HDX: variants seen among roughly 807,000 people sequenced by gnomAD.
HDX encodes the protein chromosome X open reading frame 43.
Under a neutral mutation model 45.2 loss-of-function variants are expected in HDX, and 19 were observed. That is an observed-to-expected ratio of 0.42 (90% CI 0.29 to 0.62). The LOEUF is 0.62. Among genes scored for constraint, HDX ranks in the 20% least tolerant of loss-of-function variants. The pLI is 0.20. For missense variants in HDX, 532 were observed against 493.9 expected, an observed-to-expected ratio of 1.08 and a Z score of -0.73; for synonymous variants, 188 against 172.8, an observed-to-expected ratio of 1.09 and a Z score of -0.69.
At chrX:84,440,367 C>A in intron 5 of HDX, 165 bp downstream of exon 5, 1 of 422,759 alleles carries the variant, frequency 2.4e-6, no homozygotes, top group South Asian at 3.7e-5. Context: ...ATTACATTTG[C>A]AGTATATGTA....
chrX:84,461,225 G>C (rs2040230339), intron 4 of HDX, among the ~76,000 whole-genome samples: 1 of 111,521 alleles, frequency 9.0e-6, no homozygotes, highest in South Asian at 3.7e-4. Flanking sequence ...GCTATCCAGA[G>C]CAAAAAGATC....
intron 5 of HDX, among the ~76,000 whole-genome samples, chrX:84,437,156 T>A (rs1006003827): frequency 9.0e-6 from 1 of 111,375 alleles, no homozygotes; most frequent in East Asian, 2.8e-4. Flanking sequence ...CAAGTATGAG[T>A]AACTGTATCT....
At chrX:84,487,363 T>A (rs757200296) in intron 2 of HDX, among the ~76,000 whole-genome samples, 7 of 112,277 alleles carry the variant, frequency 6.2e-5, no homozygotes, top group Non-Finnish European at 1.1e-4. Flanking sequence ...AAATTCTATT[T>A]TGGTTCTTTT....
intron 5 of HDX, among the ~76,000 whole-genome samples, chrX:84,434,195 G>A (rs1480732548): frequency 1.8e-5 from 2 of 109,176 alleles, no homozygotes; most frequent in Non-Finnish European, 3.8e-5. Context: ...CCTAATCACC[G>A]TGGCCAAGAC....
At chrX:84,475,065 A>C (rs2040521045) in intron 3 of HDX, among the ~76,000 whole-genome samples, 186 bp downstream of exon 3, 2 of 112,167 alleles carry the variant, frequency 1.8e-5, no homozygotes, top group African/African-American at 6.5e-5. Flanking sequence ...TGTTCAAGGT[A>C]TTTATAGAAA....
At position 84,475,356 on chromosome X, in the gene HDX, A is replaced by T; in HGVS notation, c.42T>A (p.Ile14=). Residue 14 remains isoleucine, a synonymous_variant, in exon 3 of 11, where the codon ATT becomes ATA. Transcript: ENST00000373177. ...TTCCATTTTCATAATAACGCTGTAA[A>T]ATCCTTTGTTGTTCTACAGTAAATA... The part of the protein sequence containing the change: ...RSVFTVEQQR[I]LQRYYENGMT... 8.6e-7 allele frequency: 1 copy of T among 1,160,735 alleles called. No homozygotes were observed. Among genetic ancestry groups the T allele is most frequent in the Non-Finnish European group, 1.2e-6 (1 of 855,297 alleles).
intron 6 of HDX, among the ~76,000 whole-genome samples, chrX:84,353,711 A>C (rs1291205992): frequency 9.0e-6 from 1 of 111,491 alleles, no homozygotes; most frequent in African/African-American, 3.3e-5. Context: ...AGAGATTAGA[A>C]TTTGAGTATA....
intron 4 of HDX, among the ~76,000 whole-genome samples, chrX:84,449,900 T>A (rs912870107): frequency 5.5e-5 from 6 of 109,474 alleles, no homozygotes; most frequent in Non-Finnish European, 1.1e-4. Context: ...AGGTGGGAAT[T>A]GAACAATGAG....
intron 4 of HDX, among the ~76,000 whole-genome samples, chrX:84,462,115 C>T (rs138778419): frequency 0.013 from 1,490 of 111,582 alleles, 36 homozygotes; most frequent in African/African-American, 0.047. Context: ...TTGGAGGTTC[C>T]TCAGCAAACT....
At chrX:84,401,024 C>A (rs937094781) in intron 5 of HDX, among the ~76,000 whole-genome samples, 1 of 111,857 alleles carries the variant, frequency 8.9e-6, no homozygotes, top group African/African-American at 3.2e-5. Flanking sequence ...AACTGGATCC[C>A]TTCCTTACAC....
intron 5 of HDX, among the ~76,000 whole-genome samples, chrX:84,406,192 A>G (rs2038815612): frequency 9.0e-6 from 1 of 111,124 alleles, no homozygotes; most frequent in African/African-American, 3.3e-5. Flanking sequence ...AACAACAAAT[A>G]TAACTATATC....
chrX:84,374,903 T>C (rs2038006597), intron 5 of HDX, among the ~76,000 whole-genome samples: 1 of 100,369 alleles, frequency 1.0e-5, no homozygotes, highest in Non-Finnish European at 2.0e-5. Context: ...TGGGATCTAA[T>C]TAAACTAAAG....
At chrX:84,391,269 A>C (rs2038435090) in intron 5 of HDX, among the ~76,000 whole-genome samples, 1 of 111,617 alleles carries the variant, frequency 9.0e-6, no homozygotes, top group Non-Finnish European at 1.9e-5. Context: ...CGTTGCTGCA[A>C]ATGAAATGAT....
rs1480929296 is a variant in HDX, at chrX:84,321,761, A to T, written c.*128T>A. 2.2e-5 allele frequency: 10 copies of T among 459,663 alleles called. No homozygotes were observed. The highest frequency in any genetic ancestry group is 3.2e-5 in the Non-Finnish European group (9 of 285,594). The allele number at this position is 459,663 out of a possible 1,213,427, so 37.9% of individuals were successfully genotyped here. A position where few individuals can be genotyped will look rare whatever the true frequency, so the allele number is the denominator to read the frequency against. ...CCATTATATCTTGTACATTCTTCACAGAATACGTCCGTTTCAACAATGTGT... is the reference window on the plus strand; with the variant it reads ...CCATTATATCTTGTACATTCTTCACTGAATACGTCCGTTTCAACAATGTGT... On this transcript the variant is annotated 3_prime_UTR_variant, in exon 11 of 11. Transcript: ENST00000373177.
At chrX:84,409,753 A>T (rs1460690360) in intron 5 of HDX, among the ~76,000 whole-genome samples, 2 of 102,877 alleles carry the variant, frequency 1.9e-5, no homozygotes, top group East Asian at 6.5e-4. Context: ...GGATAGCATT[A>T]GGAGATATAC....
At chrX:84,496,595 T>A (rs1043390536) in intron 1 of HDX, among the ~76,000 whole-genome samples, 2 of 111,212 alleles carry the variant, frequency 1.8e-5, no homozygotes, top group South Asian at 3.8e-4. Flanking sequence ...TCTCTCTGCA[T>A]TCAGTATTAC....
At chrX:84,425,562 T>C (rs1179798593) in intron 5 of HDX, among the ~76,000 whole-genome samples, 1 of 111,711 alleles carries the variant, frequency 9.0e-6, no homozygotes, top group Non-Finnish European at 1.9e-5. Flanking sequence ...GAAGCATCTG[T>C]CCATCAGAAA....
In HDX at chrX:84,343,273, A is replaced by G. The variant is rs2037127157; in HGVS notation, c.1660+977T>C. Among the ~76,000 whole-genome samples the G allele has an allele frequency of 2.7e-5, 3 of 110,638 alleles. No individual in the cohort carries two copies. In the Admixed American group the frequency reaches 2.9e-4, roughly 11 times the overall value. On this transcript the variant is annotated intron_variant, in intron 7 of 10. Coordinates refer to ENST00000373177, the MANE Select transcript of HDX (RefSeq NM_001177479.2). ...TTAAAATGAATGATTTTATTTTGAG[A>G]CAGGGTGTCACTCTGTCACCTAGGT...
chrX:84,421,739 T>G (rs1331527996), intron 5 of HDX, among the ~76,000 whole-genome samples: 5 of 109,167 alleles, frequency 4.6e-5, no homozygotes, highest in African/African-American at 1.7e-4. Context: ...TCCATGCCAA[T>G]GGAAATCAAA....
Sources: allele counts gnomAD v4.1 joint callset (sites outside exome capture counted in the v4.1 genomes callset), GRCh38; gene constraint gnomAD v4.1.1; transcripts MANE v1.5; gene names NCBI Gene and HGNC (gene_info 2026-07-23, HGNC 2026-07-21).